HTRA3: variants seen among roughly 807,000 people sequenced by gnomAD.
The protein encoded by HTRA3 is HtrA serine peptidase 3.
Under a neutral mutation model 43.2 loss-of-function variants are expected in HTRA3, and 41 were observed. The observed-to-expected ratio is 0.95, with a 90% CI of 0.74 to 1.23. The LOEUF is 1.23. Ranked by LOEUF, HTRA3 falls within the 50% of genes most tolerant of loss-of-function variation. The pLI is 0.00. For missense variants in HTRA3, 628 were observed against 647.1 expected (o/e 0.97, Z 0.32); for synonymous variants, 295 against 287.9 (o/e 1.02, Z -0.25).
In HTRA3 at chr4:8,286,179, A is replaced by T. The variant is rs997871999; in HGVS notation, c.486-382A>T. Among the ~76,000 whole-genome samples the T allele has an allele frequency of 2.6e-5, 4 of 152,206 alleles. No individual in the cohort carries two copies. In the Middle Eastern group the frequency reaches 0.01, roughly 388 times the overall value. On this transcript the variant is annotated intron_variant, in intron 2 of 8. Transcript: ENST00000307358. This position sits in a 1 kb window ranked among gnomAD's most constrained non-coding sequence, Gnocchi z 4.9. ...GACCAAGGCTCAGAGAGCTTCACTG[A>T]CCTGCCCACGGTCAGGCAGATAATA...
intron 3 of HTRA3, among the ~76,000 whole-genome samples, chr4:8,289,395 C>T (rs921691079): frequency 3.3e-5 from 5 of 152,226 alleles, no homozygotes; most frequent in African/African-American, 1.2e-4. Flanking sequence ...AAGCTTGATT[C>T]ACAAAACAGG....
At chr4:8,271,947 G>A (rs996725542) in intron 1 of HTRA3, among the ~76,000 whole-genome samples, 2 of 152,182 alleles carry the variant, frequency 1.3e-5, no homozygotes, top group Non-Finnish European at 2.9e-5. Flanking sequence ...TGAGGGGTGC[G>A]AGTGTGGGGC....
chr4:8,300,216 G>A (rs1369314709), intron 6 of HTRA3, among the ~76,000 whole-genome samples: 3 of 152,166 alleles, frequency 2.0e-5, no homozygotes, highest in African/African-American at 7.2e-5. Flanking sequence ...AGGGATATTG[G>A]TCTAGTTTTC....
Position 8,296,598 on chromosome 4 carries a change from A to C in HTRA3, c.1051+2397A>C. ...GGCCTCTGAGGGGCTTTCAGGGTAAAGAGTGGCCACCATGCATGTTGGGGG... is the reference window on the plus strand; with the variant it reads ...GGCCTCTGAGGGGCTTTCAGGGTAACGAGTGGCCACCATGCATGTTGGGGG... On this transcript the variant is annotated intron_variant, in intron 6 of 8. Coordinates refer to ENST00000307358, the MANE Select transcript of HTRA3 (RefSeq NM_053044.5). This position sits in a 1 kb window ranked among gnomAD's most constrained non-coding sequence, Gnocchi z 5.3. The C allele has an allele frequency of 1.1e-6, 1 of 903,536 alleles. No homozygotes were observed. The highest frequency in any genetic ancestry group is 1.2e-4 in the East Asian group (1 of 8,450). The allele number at this position is 903,536 out of a possible 1,614,324, so 56.0% of individuals were successfully genotyped here.
intron 6 of HTRA3, among the ~76,000 whole-genome samples, chr4:8,294,431 C>A (rs1713364628): frequency 6.6e-6 from 1 of 151,922 alleles, no homozygotes; most frequent in Non-Finnish European, 1.5e-5. Context: ...TGATCGGCTT[C>A]ATCCCCTGCC....
chr4:8,305,423 T>G (rs1338184483), intron 8 of HTRA3, among the ~76,000 whole-genome samples: 1 of 152,246 alleles, frequency 6.6e-6, no homozygotes, highest in African/African-American at 2.4e-5. Context: ...GACTGAGGTT[T>G]AGAGAAGTTA....
chr4:8,288,844 T>G (rs1713099901), intron 3 of HTRA3, among the ~76,000 whole-genome samples: 1 of 151,260 alleles, frequency 6.6e-6, no homozygotes, highest in Non-Finnish European at 1.5e-5. Context: ...GTGCTAGGAT[T>G]ACAGGAATGA....
chr4:8,274,329 C>A (rs964485038), intron 1 of HTRA3, among the ~76,000 whole-genome samples: 2 of 152,226 alleles, frequency 1.3e-5, no homozygotes, highest in African/African-American at 2.4e-5. Flanking sequence ...GAGCCACCTG[C>A]CCTGGCCACT....
At chr4:8,274,868 T>A (rs936237937) in intron 1 of HTRA3, among the ~76,000 whole-genome samples, 5 of 152,204 alleles carry the variant, frequency 3.3e-5, no homozygotes, top group Admixed American at 2.6e-4. Flanking sequence ...CACCGGCTTT[T>A]ATTGTGCAAC....
At position 8,291,417 on chromosome 4, in the gene HTRA3, T is replaced by C. The variant is rs1003599273; in HGVS notation, c.756T>C (p.Pro252=). 1.2e-6 allele frequency: 2 copies of C among 1,613,422 alleles called. No homozygotes were observed. The highest frequency in any genetic ancestry group is 1.7e-6 in the Non-Finnish European group (2 of 1,180,026). ...TGGGTCACTCGGCCGACCTGCGGCC[T>C]GGGGAGTTTGTGGTGGCCATCGGCA... The part of the protein sequence containing the change: ...LLLGHSADLR[P]GEFVVAIGSP... The change falls in exon 4 of 9, where the codon CCT becomes CCC. Residue 252 remains proline (P), a synonymous_variant. Coordinates refer to ENST00000307358, the MANE Select transcript of HTRA3 (RefSeq NM_053044.5).
intron 2 of HTRA3, among the ~76,000 whole-genome samples, chr4:8,284,995 C>T (rs1042379650): frequency 6.6e-6 from 1 of 152,146 alleles, no homozygotes; most frequent in Non-Finnish European, 1.5e-5. Context: ...GGGCTGCTTT[C>T]TTCTGGGGGA....
chr4:8,288,878 T>TTTCCTTCCTTCCTTCCTTCCTTCC lies in HTRA3; in HGVS notation c.708+2111_708+2112insTTCCTTCCTTCCTTCCTTCCTTCC, dbSNP rs202091323. On this transcript the variant is annotated intron_variant, in intron 3 of 8. Transcript: ENST00000307358. ...GAGCCACTGCACCCCACCCCCAAAT[T>TTTCCTTCCTTCCTTCCTTCCTTCC]TTCCTTCCTTCCTTCCGTCCGTCCT... Among the ~76,000 whole-genome samples, 49 of 118,120 alleles carry TTTCCTTCCTTCCTTCCTTCCTTCC rather than the reference T, an allele frequency of 4.1e-4. 4 individuals are homozygous for TTTCCTTCCTTCCTTCCTTCCTTCC. The highest frequency in any genetic ancestry group is 5.2e-3 in the Middle Eastern group (1 of 194). The allele number at this position is 118,120 out of a possible 152,430, so 77.5% of individuals were successfully genotyped here.
chr4:8,293,040 G>C (rs1713307801), intron 5 of HTRA3, among the ~76,000 whole-genome samples: 1 of 152,196 alleles, frequency 6.6e-6, no homozygotes, highest in South Asian at 2.1e-4. Context: ...AAATCCCAGG[G>C]AGAAGGCACA....
chr4:8,302,602 C>T lies in HTRA3; in HGVS notation c.1100+91C>T, dbSNP rs1560144018. ...CCAGACCCTGGCTGGCTGTGTTCGG[C>T]TCCTTGCAGGTGCCCAGACGGGCCG... On this transcript the variant is annotated intron_variant, in intron 7 of 8. Coordinates refer to ENST00000307358, the MANE Select transcript of HTRA3 (RefSeq NM_053044.5). The T allele has an allele frequency of 9.8e-6, 13 of 1,329,956 alleles. No individual in the cohort carries two copies. The Admixed American group carries it at 1.6e-4, about 16-fold the overall frequency. 82.4% of individuals were successfully genotyped at this position (1,329,956 alleles called of 1,614,324 possible). A position where few individuals can be genotyped will look rare whatever the true frequency, so the allele number is the denominator to read the frequency against.
At chr4:8,283,651 C>T (rs984296447) in intron 2 of HTRA3, among the ~76,000 whole-genome samples, 5 of 152,218 alleles carry the variant, frequency 3.3e-5, no homozygotes, top group African/African-American at 7.2e-5. Context: ...GAGGAGGCCC[C>T]GGAACCAAGC....
chr4:8,296,260 G>C lies in HTRA3; in HGVS notation c.1051+2059G>C. On this transcript the variant is annotated intron_variant, in intron 6 of 8. Coordinates refer to ENST00000307358, the MANE Select transcript of HTRA3 (RefSeq NM_053044.5). This position sits in a 1 kb window ranked among gnomAD's most constrained non-coding sequence, Gnocchi z 5.3. ...TAGGTTTGCTCCTTTGTTGTACAGG[G>C]GCTGTCCCAGTTAGTGCTGACCTCA... The C allele has an allele frequency of 1.0e-6, 1 of 985,574 alleles. No individual in the cohort carries two copies. The highest frequency in any genetic ancestry group is 1.2e-6 in the Non-Finnish European group (1 of 830,094). The allele number at this position is 985,574 out of a possible 1,614,324, so 61.1% of individuals were successfully genotyped here. A position where few individuals can be genotyped will look rare whatever the true frequency, so the allele number is the denominator to read the frequency against.
chr4:8,291,678 C>G, intron 4 of HTRA3, 114 bp downstream of exon 4: 1 of 707,040 alleles, frequency 1.4e-6, no homozygotes. Context: ...TGGCACTCGA[C>G]ACATCCACTT....
At position 8,282,426 on chromosome 4, in the gene HTRA3, C is replaced by A; in HGVS notation, c.386-11C>A. The A allele has an allele frequency of 6.2e-7, 1 of 1,607,980 alleles. No homozygotes were observed. Among genetic ancestry groups the A allele is most frequent in the Non-Finnish European group, 8.5e-7 (1 of 1,176,492 alleles). On this transcript the variant is annotated splice_polypyrimidine_tract_variant and intron_variant, in intron 1 of 8. Coordinates refer to ENST00000307358, the MANE Select transcript of HTRA3 (RefSeq NM_053044.5). ...TCTCACTGATGCACCTGGCCCTTCCCGCCAGCGCAGGTCTCCACCAGCTGA... is the reference window on the plus strand; with the variant it reads ...TCTCACTGATGCACCTGGCCCTTCCAGCCAGCGCAGGTCTCCACCAGCTGA...
intron 5 of HTRA3, 103 bp from the exon 6 acceptor site, chr4:8,293,984 G>A (rs1713342569): frequency 4.2e-6 from 3 of 719,586 alleles, no homozygotes; most frequent in Non-Finnish European, 7.1e-6. Context: ...GGGATTGACA[G>A]CTGGGGTCAG....
Sources: allele counts gnomAD v4.1 joint callset (sites outside exome capture counted in the v4.1 genomes callset), GRCh38; gene constraint gnomAD v4.1.1; non-coding constraint Gnocchi (gnomAD v3.1); transcripts MANE v1.5; gene names NCBI Gene and HGNC (gene_info 2026-07-23, HGNC 2026-07-21).